USP12: variants seen among roughly 807,000 people sequenced by gnomAD.
USP12 encodes the protein ubiquitin specific peptidase 12.
Under a neutral mutation model 45.5 loss-of-function variants are expected in USP12, and 19 were observed. That is an observed-to-expected ratio of 0.42 (90% CI 0.29 to 0.61). The LOEUF is 0.61. Among genes scored for constraint, USP12 ranks in the 20% least tolerant of loss-of-function variants. USP12 has a pLI of 0.22. For missense variants in USP12, 242 were observed against 447.7 expected, an observed-to-expected ratio of 0.54 and a Z score of 4.15; for synonymous variants, 149 against 148.8, an observed-to-expected ratio of 1.00 and a Z score of -0.01.
chr13:27,135,543 T>C (rs913135133), intron 1 of USP12, among the ~76,000 whole-genome samples: 1 of 151,904 alleles, frequency 6.6e-6, no homozygotes, highest in African/African-American at 2.4e-5. Context: ...TGAAACTCCA[T>C]CTCTGCAAAA....
chr13:27,117,885 G>A, intron 1 of USP12: 1 of 513,308 alleles, frequency 1.9e-6, no homozygotes, highest in Non-Finnish European at 3.9e-6. Context: ...GAGCACCATG[G>A]TGGGGGATGA....
At chr13:27,148,308 T>C (rs979069653) in intron 1 of USP12, among the ~76,000 whole-genome samples, 1 of 152,088 alleles carries the variant, frequency 6.6e-6, no homozygotes, top group African/African-American at 2.4e-5. Context: ...TTGTTAATTA[T>C]AAAGGACACT....
chr13:27,167,717 C>G (rs1878411232), intron 1 of USP12, among the ~76,000 whole-genome samples: 1 of 151,814 alleles, frequency 6.6e-6, no homozygotes, highest in South Asian at 2.1e-4. Flanking sequence ...GAACTACATC[C>G]ACCCTATTTC....
intron 6 of USP12, among the ~76,000 whole-genome samples, chr13:27,082,458 A>G (rs1184947552): frequency 6.6e-6 from 1 of 152,202 alleles, no homozygotes; most frequent in African/African-American, 2.4e-5. Flanking sequence ...CAGGCCACTC[A>G]AACTTCTCCA....
At chr13:27,076,354 A>C (rs1426872773) in intron 6 of USP12, among the ~76,000 whole-genome samples, 2 of 152,178 alleles carry the variant, frequency 1.3e-5, no homozygotes, top group Non-Finnish European at 2.9e-5. Flanking sequence ...ATGCCTTTAA[A>C]TGCCATTTCT....
intron 1 of USP12, among the ~76,000 whole-genome samples, chr13:27,156,400 G>C (rs1401861408): frequency 6.6e-6 from 1 of 152,140 alleles, no homozygotes; most frequent in Non-Finnish European, 1.5e-5. Context: ...TAATAAAAAA[G>C]AAACAGGGAT....
intron 1 of USP12, among the ~76,000 whole-genome samples, chr13:27,153,720 T>C (rs1422175804): frequency 6.6e-6 from 1 of 151,986 alleles, no homozygotes; most frequent in Non-Finnish European, 1.5e-5. Context: ...GTATCTTCCT[T>C]AAAAGTAAGA....
intron 2 of USP12, among the ~76,000 whole-genome samples, chr13:27,107,392 T>C (rs535564968): frequency 6.6e-6 from 1 of 152,086 alleles, no homozygotes; most frequent in Non-Finnish European, 1.5e-5. Context: ...AGCTATATCA[T>C]AGGACAAAGC....
intron 6 of USP12, among the ~76,000 whole-genome samples, chr13:27,081,053 G>A (rs558682761): frequency 4.4e-5 from 6 of 135,226 alleles, no homozygotes; most frequent in East Asian, 2.1e-4. Context: ...TTGCTCTGTC[G>A]CCCAGGCTGG....
chr13:27,119,920 T>C (rs971655792), intron 1 of USP12, among the ~76,000 whole-genome samples: 7 of 152,238 alleles, frequency 4.6e-5, no homozygotes, highest in Non-Finnish European at 4.4e-5. Context: ...AGCATGCTTA[T>C]TGCATGCATT....
At chr13:27,085,836 G>A (rs1190862058) in intron 6 of USP12, among the ~76,000 whole-genome samples, 1 of 151,830 alleles carries the variant, frequency 6.6e-6, no homozygotes, top group Non-Finnish European at 1.5e-5. Context: ...TAGACAACTG[G>A]TAGATACATG....
At chr13:27,098,814 A>T (rs1052233542) in intron 3 of USP12, among the ~76,000 whole-genome samples, 4 of 152,242 alleles carry the variant, frequency 2.6e-5, no homozygotes, top group African/African-American at 4.8e-5. Flanking sequence ...AAATTATGCT[A>T]TAATTTTGTT....
intron 6 of USP12, among the ~76,000 whole-genome samples, chr13:27,083,718 T>C (rs887564769): frequency 6.6e-6 from 1 of 152,216 alleles, no homozygotes; most frequent in Non-Finnish European, 1.5e-5. Context: ...CTTTATTTTG[T>C]GAGTCTTCAG....
rs3002291 is a variant in USP12 at position 27,084,009 on chromosome 13, C to T, written c.734+5874G>A. On this transcript the variant is annotated intron_variant, in intron 6 of 8. Coordinates refer to ENST00000282344, the MANE Select transcript of USP12 (RefSeq NM_182488.4). ...CCTCCCAAGTAGCTGAGATTACAGG[C>T]GCCTGCCACCATGCCTGGCTAAATT... is the stretch of plus-strand genomic sequence containing the variant. Among the ~76,000 whole-genome samples, 1,433 of 151,780 alleles carry T rather than the reference C, an allele frequency of 9.4e-3. 24 individuals carry two copies. The highest frequency in any genetic ancestry group is 0.033 in the African/African-American group (1,372 of 41,406).
At chr13:27,149,509 A>G (rs1485835677) in intron 1 of USP12, among the ~76,000 whole-genome samples, 2 of 152,246 alleles carry the variant, frequency 1.3e-5, no homozygotes, top group Admixed American at 1.3e-4. Context: ...TTACTACTAG[A>G]ATAAACGAGT....
At chr13:27,093,304 T>C (rs530529465) in intron 4 of USP12, among the ~76,000 whole-genome samples, 1 of 53,400 alleles carries the variant, frequency 1.9e-5, no homozygotes, top group East Asian at 1.1e-3. Context: ...GCCAAAATTA[T>C]ACCCGAAAAA....
intron 1 of USP12, among the ~76,000 whole-genome samples, chr13:27,158,588 C>T (rs76213633): frequency 0.043 from 6,488 of 152,272 alleles, 172 homozygotes; most frequent in Admixed American, 0.077. Context: ...ACCTGTACAG[C>T]ATATGACTGT....
chr13:27,098,512 T>C (rs1170345439), intron 3 of USP12, among the ~76,000 whole-genome samples: 1 of 152,212 alleles, frequency 6.6e-6, no homozygotes, highest in Non-Finnish European at 1.5e-5. Flanking sequence ...AAATATCATT[T>C]TGCCCATCAC....
At chr13:27,102,289 C>T (rs1874903068) in intron 3 of USP12, among the ~76,000 whole-genome samples, 1 of 152,176 alleles carries the variant, frequency 6.6e-6, no homozygotes, top group Non-Finnish European at 1.5e-5. Context: ...AGATCACCCA[C>T]AGGCAGTACC....
Sources: allele counts gnomAD v4.1 joint callset (sites outside exome capture counted in the v4.1 genomes callset), GRCh38; gene constraint gnomAD v4.1.1; transcripts MANE v1.5; gene names NCBI Gene and HGNC (gene_info 2026-07-23, HGNC 2026-07-21).